Variants in ZFHX4 observed in about 807,000 individuals in gnomAD.
ZFHX4 encodes zinc finger homeobox protein 4.
A neutral mutation model predicts 267.6 loss-of-function variants in ZFHX4; 56 were observed. That is an observed-to-expected ratio of 0.21 (90% CI 0.17 to 0.26). The LOEUF is 0.26. Ranked by LOEUF, ZFHX4 falls within the 10% of genes least tolerant of loss-of-function variation. The pLI, the probability that ZFHX4 is intolerant of heterozygous loss-of-function variation, is 1.00. For synonymous variants in ZFHX4, 1,778 were observed against 1,665.6 expected (o/e 1.07, Z -1.64); for missense variants, 4,332 against 4,420.0 (o/e 0.98, Z 0.56).
intron 3 of ZFHX4, among the ~76,000 whole-genome samples, chr8:76,711,058 T>C (rs971973003): frequency 6.6e-6 from 1 of 152,164 alleles, no homozygotes; most frequent in African/African-American, 2.4e-5. Flanking sequence ...TTGTGGGTTA[T>C]GGTATTTTGG....
chr8:76,717,289 A>C (rs1808600940), intron 3 of ZFHX4, among the ~76,000 whole-genome samples: 1 of 152,100 alleles, frequency 6.6e-6, no homozygotes, highest in Non-Finnish European at 1.5e-5. Context: ...TTGATAATAC[A>C]CTCCTTTCCT....
chr8:76,814,576 A>G (rs1227281269), intron 4 of ZFHX4, among the ~76,000 whole-genome samples: 1 of 152,186 alleles, frequency 6.6e-6, no homozygotes, highest in African/African-American at 2.4e-5. Flanking sequence ...GCTGTTCCTT[A>G]AGAATGCTGA....
chr8:76,809,106 T>G (rs1811314555), intron 4 of ZFHX4, among the ~76,000 whole-genome samples: 1 of 152,114 alleles, frequency 6.6e-6, no homozygotes, highest in Admixed American at 6.6e-5. Context: ...CTCAAACATC[T>G]CTGTGATTGC....
intron 3 of ZFHX4, among the ~76,000 whole-genome samples, chr8:76,747,494 AC>A (rs913871812): frequency 6.6e-6 from 1 of 152,086 alleles, no homozygotes; most frequent in Non-Finnish European, 1.5e-5. Flanking sequence ...TCTCAAGTTA[AC>A]CTAAATTTCT....
chr8:76,709,621 C>G (rs1382884663), intron 3 of ZFHX4, among the ~76,000 whole-genome samples: 1 of 152,026 alleles, frequency 6.6e-6, no homozygotes, highest in African/African-American at 2.4e-5. Flanking sequence ...TGCAGCTCCT[C>G]TAACACTTTA....
chr8:76,689,954 A>C (rs1379385475), intron 1 of ZFHX4, among the ~76,000 whole-genome samples: 1 of 152,096 alleles, frequency 6.6e-6, no homozygotes, highest in Non-Finnish European at 1.5e-5. Flanking sequence ...AGACTGACTT[A>C]GTTAATACAT....
At position 76,737,301 on chromosome 8, in the gene ZFHX4, A is replaced by G. The variant is rs1239463262; in HGVS notation, c.3093+29253A>G. ...AATATTTCGACTTTAAGAAAATATC[A>G]GAGGGCATTTAAAAAGCTTGTGCAT... On this transcript the variant is annotated intron_variant, in intron 3 of 10. Transcript: ENST00000651372. Among the ~76,000 whole-genome samples the G allele has an allele frequency of 3.9e-5, 6 of 152,218 alleles. No individual in the cohort carries two copies. In the South Asian group the frequency reaches 1.2e-3, roughly 32 times the overall value.
chr8:76,764,838 A>G (rs1585921471), intron 3 of ZFHX4, among the ~76,000 whole-genome samples: 1 of 152,194 alleles, frequency 6.6e-6, no homozygotes, highest in African/African-American at 2.4e-5. Context: ...TCCATGCTGT[A>G]GGTTAAGCAG....
intron 3 of ZFHX4, among the ~76,000 whole-genome samples, chr8:76,752,893 T>G (rs1184335782): frequency 6.6e-6 from 1 of 152,222 alleles, no homozygotes; most frequent in Non-Finnish European, 1.5e-5. Context: ...TCGTGAATTG[T>G]ACAATTCCTA....
rs1808250904 is a variant in ZFHX4 at position 76,705,880 on chromosome 8, C to T, written c.1792C>T (p.Pro598Ser). Reference sequence around the variant, plus strand: ...CCAGCATGGCTTTACCCCGAGTACTCCTGGCACACCAGGGCCTGGAGGAGA... The same window carrying T: ...CCAGCATGGCTTTACCCCGAGTACTTCTGGCACACCAGGGCCTGGAGGAGA... ...PHQHGFTPST[P>S]GTPGPGGDGS... Residue 598 changes from proline to serine, a missense_variant, in exon 2 of 11, where the codon CCT (proline) becomes TCT (serine). Pro to Ser is a moderately conservative substitution (Grantham distance 74, BLOSUM62 -1). Transcript: ENST00000651372. The T allele has an allele frequency of 6.2e-7, 1 of 1,613,686 alleles. No individual in the cohort carries two copies. Among genetic ancestry groups the T allele is most frequent in the Admixed American group, 1.7e-5 (1 of 59,976 alleles).
chr8:76,834,906 T>G (rs566504752), intron 5 of ZFHX4, among the ~76,000 whole-genome samples: 3 of 151,800 alleles, frequency 2.0e-5, no homozygotes, highest in African/African-American at 4.8e-5. Context: ...TAACCCATTT[T>G]GAGTGAATGT....
chr8:76,718,926 T>G (rs1381220741), intron 3 of ZFHX4, among the ~76,000 whole-genome samples: 1 of 135,054 alleles, frequency 7.4e-6, no homozygotes, highest in African/African-American at 2.9e-5. Flanking sequence ...GAAAGTACAC[T>G]GAAATTGATC....
chr8:76,748,437 T>A (rs1394101375), intron 3 of ZFHX4, among the ~76,000 whole-genome samples: 1 of 152,214 alleles, frequency 6.6e-6, no homozygotes, highest in Non-Finnish European at 1.5e-5. Flanking sequence ...TTGTTTTATT[T>A]GTATTTGTAG....
rs531095923 is a variant in ZFHX4 at position 76,706,513 on chromosome 8, C to T, written c.2425C>T (p.Leu809=). 1 of 1,613,638 alleles carries T rather than the reference C, an allele frequency of 6.2e-7. No individual in the cohort carries two copies. The highest frequency in any genetic ancestry group is 1.3e-5 in the African/African-American group (1 of 74,934). ...QQNMKQIQHN[L]HLGLAPAEAE... ...GAACATGAAGCAGATCCAGCATAAT[C>T]TGCACTTGGGCCTCGCCCCGGCGGA... The change falls in exon 2 of 11, where the codon CTG becomes TTG. Residue 809 remains leucine (L), a synonymous_variant. Transcript: ENST00000651372.
At chr8:76,833,533 C>A in intron 5 of ZFHX4, 127 bp downstream of exon 5, 3 of 659,890 alleles carry the variant, frequency 4.5e-6, no homozygotes, top group East Asian at 6.1e-5. Flanking sequence ...ATGCCTTATT[C>A]AAATAAGTAA....
At chr8:76,835,225 A>ATATGTATATATATGTATATATATG (rs1554572142) in intron 5 of ZFHX4, among the ~76,000 whole-genome samples, 2 of 96,928 alleles carry the variant, frequency 2.1e-5, no homozygotes, top group African/African-American at 1.2e-4. Context: ...ATATGTATAT[A>ATATGTATATATATGTATATATATG]TATATATATA....
Position 76,855,635 on chromosome 8 carries a change from C to T in ZFHX4, c.8714C>T (p.Ala2905Val). 6.2e-7 allele frequency: 1 copy of T among 1,613,856 alleles called. No individual in the cohort carries two copies. Among genetic ancestry groups the T allele is most frequent in the Non-Finnish European group, 8.5e-7 (1 of 1,179,836 alleles). Residue 2905 changes from alanine (A) to valine (V), a missense_variant, in exon 10 of 11, where the codon GCG becomes GTG. Around this residue, in one of 7 missense-constraint regions of ZFHX4, gnomAD observed 1,648 missense variants for 1,625.0 expected, o/e 1.01. Transcript: ENST00000651372. ...GACCGCAGCGAAACGTCCAGCATAGCGGACCCGAGCTCCCCAAATCCATTC... is the reference window on the plus strand; with the variant it reads ...GACCGCAGCGAAACGTCCAGCATAGTGGACCCGAGCTCCCCAAATCCATTC... Reference protein sequence around the residue: ...NADRSETSSIADPSSPNPFGS... With the variant: ...NADRSETSSIVDPSSPNPFGS...
chr8:76,814,390 A>G (rs1811450567), intron 4 of ZFHX4, among the ~76,000 whole-genome samples: 1 of 152,202 alleles, frequency 6.6e-6, no homozygotes, highest in African/African-American at 2.4e-5. Flanking sequence ...AGAGTTATGT[A>G]ACATCCACAA....
chr8:76,706,492 A>G lies in ZFHX4; in HGVS notation c.2404A>G (p.Met802Val), dbSNP rs1489560684. Residue 802 changes from methionine to valine, a missense_variant, in exon 2 of 11, where the codon ATG becomes GTG. Transcript: ENST00000651372. The stretch of plus-strand genomic sequence containing the variant: ...TAATATGATGCTTTTGCAGCAGAAC[A>G]TGAAGCAGATCCAGCATAATCTGCA... ...MHNMMLLQQN[M>V]KQIQHNLHLG... The G allele has an allele frequency of 1.9e-6, 3 of 1,613,942 alleles. No individual in the cohort carries two copies. The highest frequency in any genetic ancestry group is 1.7e-5 in the Admixed American group (1 of 60,016).
Sources: allele counts gnomAD v4.1 joint callset (sites outside exome capture counted in the v4.1 genomes callset), GRCh38; gene constraint gnomAD v4.1.1; regional missense constraint gnomAD v4.1.1; transcripts MANE v1.5; gene names NCBI Gene and HGNC (gene_info 2026-07-23, HGNC 2026-07-21).